Variants in IL7 observed in about 807,000 individuals in gnomAD.
IL7 encodes the protein interleukin-7.
In IL7, 3 loss-of-function variants were observed where a neutral mutation model predicts 21.6. That is an observed-to-expected ratio of 0.14 (90% CI 0.06 to 0.36). IL7 has a LOEUF of 0.36. Among genes scored for constraint, IL7 ranks in the 10% least tolerant of loss-of-function variants. The probability of loss-of-function intolerance (pLI) is 1.00; values close to 1 mark genes in which losing one functional copy is unlikely to be tolerated. For missense variants in IL7, 175 were observed against 200.2 expected, an observed-to-expected ratio of 0.87 and a Z score of 0.76; for synonymous variants, 62 against 68.1, an observed-to-expected ratio of 0.91 and a Z score of 0.44.
chr8:78,744,279 C>T (rs549740096), intron 2 of IL7, among the ~76,000 whole-genome samples: 9 of 148,722 alleles, frequency 6.1e-5, no homozygotes, highest in African/African-American at 1.7e-4. Context: ...AGAACACCAG[C>T]GGGGATGGCT....
At chr8:78,675,922 C>G (rs1809564527) in exon 5 of IL7, 1 of 1,439,880 alleles carries the variant, frequency 6.9e-7, no homozygotes, top group Non-Finnish European at 9.7e-7. Context: ...TTCAATAATT[C>G]TGGTCAATTC....
intron 3 of IL7, among the ~76,000 whole-genome samples, chr8:78,711,401 T>G (rs1040147422): frequency 3.3e-5 from 5 of 152,078 alleles, no homozygotes; most frequent in Non-Finnish European, 7.4e-5. Flanking sequence ...CCCCTTACCA[T>G]TATTATATGT....
intron 2 of IL7, among the ~76,000 whole-genome samples, chr8:78,779,097 T>C (rs1813228371): frequency 6.6e-6 from 1 of 152,232 alleles, no homozygotes; most frequent in South Asian, 2.1e-4. Context: ...TGATTTTGTA[T>C]TCTGAGATTT....
intron 1 of IL7, among the ~76,000 whole-genome samples, chr8:78,803,977 C>T (rs537619937): frequency 1.1e-4 from 17 of 152,266 alleles, no homozygotes; most frequent in African/African-American, 2.4e-4. Flanking sequence ...CACCCTCCCC[C>T]CAGCTGTCTT....
chr8:78,737,812 C>A (rs1811644947), intron 4 of IL7, among the ~76,000 whole-genome samples: 1 of 151,996 alleles, frequency 6.6e-6, no homozygotes. Flanking sequence ...GTAAATAATA[C>A]AAATAAAATA....
chr8:78,715,235 C>T (rs370156121), downstream of IL7: 1 of 1,613,354 alleles, frequency 6.2e-7, no homozygotes, highest in Non-Finnish European at 8.5e-7. Context: ...AATGTCAAAC[C>T]CCGAAATTCC....
At chr8:78,681,760 T>C (rs1414134907) in intron 4 of IL7, among the ~76,000 whole-genome samples, 1 of 152,156 alleles carries the variant, frequency 6.6e-6, no homozygotes, top group East Asian at 1.9e-4. Context: ...TTGTTGTGTT[T>C]TCCAAGGACA....
intron 2 of IL7, among the ~76,000 whole-genome samples, chr8:78,752,015 A>C (rs1005919286): frequency 1.3e-5 from 2 of 152,164 alleles, no homozygotes; most frequent in Non-Finnish European, 2.9e-5. Flanking sequence ...AAATGACAGC[A>C]TGTGGTGTTT....
chr8:78,751,015 T>A (rs1264879993), intron 2 of IL7, among the ~76,000 whole-genome samples: 2 of 151,446 alleles, frequency 1.3e-5, no homozygotes, highest in Non-Finnish European at 2.9e-5. Flanking sequence ...ATTAGTAGAC[T>A]TCACATAGCT....
chr8:78,784,578 T>C (rs928823609), intron 2 of IL7, among the ~76,000 whole-genome samples: 1 of 152,174 alleles, frequency 6.6e-6, no homozygotes, highest in African/African-American at 2.4e-5. Context: ...ATGTAAACTA[T>C]GTTCATTCAC....
intron 3 of IL7, chr8:78,689,207 T>A (rs1810126329): frequency 1.4e-6 from 2 of 1,463,394 alleles, no homozygotes; most frequent in Non-Finnish European, 9.1e-7. Context: ...CTGTTTCCGT[T>A]TTTATCTGTT....
chr8:78,693,025 TC>T (rs1196815570), intron 3 of IL7, among the ~76,000 whole-genome samples: 1 of 152,016 alleles, frequency 6.6e-6, no homozygotes, highest in Non-Finnish European at 1.5e-5. Flanking sequence ...AATGATGGTT[TC>T]CAGCTTCATC....
downstream of IL7, among the ~76,000 whole-genome samples, chr8:78,729,895 C>T (rs1811394814): frequency 6.6e-6 from 1 of 151,870 alleles, no homozygotes; most frequent in African/African-American, 2.4e-5. Context: ...GTCCCTCTCC[C>T]AGAGATAACA....
intron 2 of IL7, among the ~76,000 whole-genome samples, chr8:78,767,973 CT>C (rs1246265774): frequency 1.3e-5 from 2 of 150,446 alleles, no homozygotes; most frequent in African/African-American, 4.9e-5. Flanking sequence ...TCCTGTGTCC[CT>C]GTGTTCTCAT....
chr8:78,746,398 A>G (rs559633687), intron 2 of IL7, among the ~76,000 whole-genome samples: 9 of 152,364 alleles, frequency 5.9e-5, no homozygotes, highest in African/African-American at 1.9e-4. Flanking sequence ...TTCTCACCAC[A>G]TGAGTTTCTC....
chr8:78,758,880 T>C (rs923564312), intron 2 of IL7, among the ~76,000 whole-genome samples: 1 of 152,118 alleles, frequency 6.6e-6, no homozygotes, highest in Non-Finnish European at 1.5e-5. Flanking sequence ...TTTCTATATC[T>C]AGATGTCTAT....
chr8:78,727,588 A>G (rs781428338), intron 3 of IL7, among the ~76,000 whole-genome samples: 1 of 152,046 alleles, frequency 6.6e-6, no homozygotes, highest in Non-Finnish European at 1.5e-5. Flanking sequence ...CTTTATGACT[A>G]TTAATTTAGT....
Position 78,760,924 on chromosome 8 carries a change from C to G in IL7, c.148-20842G>C, listed in dbSNP as rs539073893. 1.2e-5 allele frequency: 19 copies of G among 1,557,750 alleles called. No individual in the cohort carries two copies. In the African/African-American group the frequency reaches 1.4e-4, roughly 11 times the overall value. On this transcript the variant is annotated intron_variant, in intron 2 of 5. Transcript: ENST00000263851. ...CAAAGAAGACATCAGAGGTTTGCCC[C>G]TGGAGGTTTTTCCCAAAGGCTCTTG...
At chr8:78,695,835 G>A (rs1293166156) in intron 3 of IL7, among the ~76,000 whole-genome samples, 2 of 152,114 alleles carry the variant, frequency 1.3e-5, no homozygotes, top group Admixed American at 6.5e-5. Flanking sequence ...ACTGCAAAAC[G>A]TGAATGCTAC....
Sources: gnomAD v4.1 joint callset for allele counts (sites outside exome capture counted in the v4.1 genomes callset) on GRCh38, gnomAD v4.1.1 for gene constraint, MANE v1.5 for transcripts, NCBI Gene and HGNC (gene_info 2026-07-23, HGNC 2026-07-21) for gene names.